The following CFAP47 variants were observed in gnomAD, a reference collection of about 807,000 sequenced individuals.
CFAP47 encodes the protein cilia and flagella associated protein 47.
CFAP47 carries 29 observed loss-of-function variants against 148.1 expected under a neutral mutation model. The ratio of observed to expected loss-of-function variants is 0.20; its 90% CI spans 0.15 to 0.27. The LOEUF is 0.27. Ranked by LOEUF, CFAP47 falls within the 10% of genes least tolerant of loss-of-function variation. The probability of loss-of-function intolerance (pLI) is 1.00; values close to 1 mark genes in which losing one functional copy is unlikely to be tolerated. For missense variants in CFAP47, 1,872 were observed against 1,697.5 expected, an observed-to-expected ratio of 1.10 and a Z score of -1.81; for synonymous variants, 664 against 577.3, an observed-to-expected ratio of 1.15 and a Z score of -2.15.
intron 21 of CFAP47, among the ~76,000 whole-genome samples, chrX:36,013,507 T>G (rs1419759258): frequency 1.8e-5 from 2 of 111,829 alleles, no homozygotes; most frequent in African/African-American, 6.5e-5. Flanking sequence ...TAGAGAACAG[T>G]TGCATCACCT....
intron 60 of CFAP47, among the ~76,000 whole-genome samples, chrX:36,354,127 T>A (rs1468937288): frequency 9.0e-6 from 1 of 111,373 alleles, no homozygotes; most frequent in Non-Finnish European, 1.9e-5. Flanking sequence ...CCAAATAAAG[T>A]TTGTATAATA....
intron 4 of CFAP47, among the ~76,000 whole-genome samples, chrX:35,948,655 A>G (rs1936119261): frequency 1.8e-5 from 2 of 111,769 alleles, no homozygotes; most frequent in Admixed American, 9.6e-5. Flanking sequence ...ACATAACAGG[A>G]TCTTCTATTT....
intron 48 of CFAP47, among the ~76,000 whole-genome samples, chrX:36,241,045 G>A (rs1379230704): frequency 9.1e-6 from 1 of 110,408 alleles, no homozygotes; most frequent in Non-Finnish European, 1.9e-5. Context: ...GAGGCTGAAG[G>A]AGGAGGAAGC....
intron 2 of CFAP47, among the ~76,000 whole-genome samples, chrX:35,938,801 T>C (rs1310069335): frequency 1.8e-5 from 2 of 111,971 alleles, no homozygotes; most frequent in African/African-American, 6.5e-5. Context: ...TTTTTAACAA[T>C]GTGTCAGCTA....
In CFAP47 at chrX:35,932,004, TCCTC is replaced by T. The variant is rs61098610; in HGVS notation, c.401+5854_401+5857del. Among the ~76,000 whole-genome samples the T allele has an allele frequency of 1.5e-4, 15 of 97,762 alleles. No individual in the cohort carries two copies. In the East Asian group the frequency reaches 2.9e-3, roughly 19 times the overall value. The allele number at this position is 97,762 out of a possible 115,157, so 84.9% of individuals were successfully genotyped here. ...TCCCTCCTTTCCTTCCTTCTTGGCT[TCCTC>T]CCTCCCTCCCTCCCTCCTTTCCTTT... On this transcript the variant is annotated intron_variant, in intron 2 of 63. Transcript: ENST00000378653.
At chrX:36,063,822 A>G (rs1416489410) in intron 26 of CFAP47, among the ~76,000 whole-genome samples, 1 of 111,946 alleles carries the variant, frequency 8.9e-6, no homozygotes, top group Non-Finnish European at 1.9e-5. Context: ...GATCACTCCA[A>G]ATAAATGTGA....
intron 55 of CFAP47, among the ~76,000 whole-genome samples, chrX:36,309,990 C>T (rs868968693): frequency 1.6e-4 from 18 of 110,610 alleles, no homozygotes; most frequent in African/African-American, 5.9e-4. Flanking sequence ...TTCACTACTT[C>T]TCCTTATTTG....
Position 36,147,975 on chromosome X carries a change from T to TA in CFAP47, c.5671-1124dup, listed in dbSNP as rs112172539. Among the ~76,000 whole-genome samples, 20 of 109,821 alleles carry TA rather than the reference T, an allele frequency of 1.8e-4. 1 individual carries two copies. In the South Asian group the frequency reaches 3.8e-3, roughly 21 times the overall value. ...GGTGATACCTTGGCATCTTGTTAAA[T>TA]AAAAAAAAATATTCATGACACCTGT... is the stretch of plus-strand genomic sequence containing the variant. On this transcript the variant is annotated intron_variant, in intron 36 of 63. Transcript: ENST00000378653.
chrX:36,126,200 C>T (rs1426058074), intron 33 of CFAP47, among the ~76,000 whole-genome samples: 1 of 109,397 alleles, frequency 9.1e-6, no homozygotes, highest in Non-Finnish European at 1.9e-5. Context: ...TACCCATCAC[C>T]CAATACCTAA....
intron 39 of CFAP47, among the ~76,000 whole-genome samples, chrX:36,163,640 T>C (rs932342281): frequency 1.8e-5 from 2 of 111,590 alleles, no homozygotes; most frequent in Non-Finnish European, 3.8e-5. Flanking sequence ...GACAGAGTTA[T>C]GTTCTTGCCC....
At chrX:36,058,267 A>G (rs1005971004) in intron 26 of CFAP47, among the ~76,000 whole-genome samples, 12 of 111,846 alleles carry the variant, frequency 1.1e-4, no homozygotes, top group African/African-American at 3.2e-4. Flanking sequence ...ATCACCAAAC[A>G]TTACTATAAA....
chrX:35,941,653 T>A (rs6632413), intron 3 of CFAP47, among the ~76,000 whole-genome samples: 1 of 110,778 alleles, frequency 9.0e-6, no homozygotes, highest in Non-Finnish European at 1.9e-5. Context: ...GGAGGCAGGA[T>A]AGTGTCAGAG....
chrX:36,028,740 T>A (rs765849225), intron 22 of CFAP47, among the ~76,000 whole-genome samples: 15 of 111,710 alleles, frequency 1.3e-4, no homozygotes, highest in Non-Finnish European at 2.1e-4. Context: ...TTATCAAATC[T>A]CAGAGGTTTT....
rs1461580745 is a variant in CFAP47 at position 35,924,149 on chromosome X, G to A, written c.250-1868G>A. ...CATATATGTATATGTGTACATGTAT[G>A]CGTACATATATGTATATATGTACAT... is the stretch of plus-strand genomic sequence containing the variant. On this transcript the variant is annotated intron_variant, in intron 1 of 63. Coordinates refer to ENST00000378653, the MANE Select transcript of CFAP47 (RefSeq NM_001304548.2). Among the ~76,000 whole-genome samples, 7 of 97,053 alleles carry A rather than the reference G, an allele frequency of 7.2e-5. 1 individual carries two copies. The highest frequency in any genetic ancestry group is 3.0e-4 in the African/African-American group (7 of 22,956). The allele number at this position is 97,053 out of a possible 115,157, so 84.3% of individuals were successfully genotyped here.
intron 46 of CFAP47, 80 bp from the exon 47 acceptor site, chrX:36,235,854 G>A (rs28406365): frequency 0.11 from 44,734 of 403,527 alleles, 6,161 homozygotes; most frequent in African/African-American, 0.62. Flanking sequence ...TAATGCTATA[G>A]AAATTACCAA....
Position 36,303,971 on chromosome X carries a change from T to C in CFAP47, c.8082+11T>C. Reference sequence around the variant, plus strand: ...AACAGAAAATCACAAGTAAGTAAATTCAGAGAGCCATGAAATTTACTGCTG... The same window carrying C: ...AACAGAAAATCACAAGTAAGTAAATCCAGAGAGCCATGAAATTTACTGCTG... On this transcript the variant is annotated intron_variant, in intron 54 of 63. Transcript: ENST00000378653. 1 of 914,005 alleles carries C rather than the reference T, an allele frequency of 1.1e-6. No homozygotes were observed. Among genetic ancestry groups the C allele is most frequent in the African/African-American group, 2.0e-5 (1 of 50,781 alleles). The allele number at this position is 914,005 out of a possible 1,213,427, so 75.3% of individuals were successfully genotyped here.
intron 57 of CFAP47, among the ~76,000 whole-genome samples, chrX:36,340,202 C>A (rs191785951): frequency 8.9e-6 from 1 of 111,813 alleles, no homozygotes; most frequent in East Asian, 2.8e-4. Context: ...GAGAATGATT[C>A]ATCCCTAGCT....
intron 57 of CFAP47, among the ~76,000 whole-genome samples, chrX:36,338,609 C>T (rs1941627831): frequency 8.9e-6 from 1 of 111,847 alleles, no homozygotes; most frequent in Admixed American, 9.5e-5. Flanking sequence ...CTTTAGTGAG[C>T]CCTGCTCATT....
chrX:36,234,858 G>T (rs192738278), intron 46 of CFAP47, among the ~76,000 whole-genome samples: 41 of 112,100 alleles, frequency 3.7e-4, no homozygotes, highest in Middle Eastern at 4.6e-3. Context: ...CTGCAGGTCT[G>T]TTGGAGTTTG....
Sources: gnomAD v4.1 joint callset for allele counts (sites outside exome capture counted in the v4.1 genomes callset) on GRCh38, gnomAD v4.1.1 for gene constraint, MANE v1.5 for transcripts, NCBI Gene and HGNC (gene_info 2026-07-23, HGNC 2026-07-21) for gene names.